PAM: variants seen among roughly 807,000 people sequenced by gnomAD.
PAM encodes peptidyl-glycine alpha-amidating monooxygenase.
A neutral mutation model predicts 122.1 loss-of-function variants in PAM; 72 were observed. That is an observed-to-expected ratio of 0.59 (90% CI 0.49 to 0.72). The LOEUF is 0.72. Ranked by LOEUF, PAM falls within the 30% of genes least tolerant of loss-of-function variation. The pLI, the probability that PAM is intolerant of heterozygous loss-of-function variation, is 0.00. For missense variants in PAM, 1,106 were observed against 1,183.7 expected, an observed-to-expected ratio of 0.93 and a Z score of 0.96; for synonymous variants, 389 against 404.4, an observed-to-expected ratio of 0.96 and a Z score of 0.46.
intron 14 of PAM, among the ~76,000 whole-genome samples, chr5:102,962,044 GTT>G (rs1762658985): frequency 6.6e-6 from 1 of 151,882 alleles, no homozygotes; most frequent in Non-Finnish European, 1.5e-5. Context: ...ACATGTAGAA[GTT>G]TCCTGTTTCT....
At chr5:102,765,351 G>T (rs1041082829) in intron 1 of PAM, among the ~76,000 whole-genome samples, 1 of 152,140 alleles carries the variant, frequency 6.6e-6, no homozygotes, top group Non-Finnish European at 1.5e-5. Context: ...GTGTAGTTGT[G>T]AAGAAAAAGT....
chr5:102,847,249 G>T (rs188335298), intron 1 of PAM, among the ~76,000 whole-genome samples: 2 of 152,088 alleles, frequency 1.3e-5, no homozygotes, highest in East Asian at 1.9e-4. Context: ...GACCAGCCTG[G>T]CCAACATGGT....
Position 102,960,252 on chromosome 5 carries a change from A to G in PAM, c.1090+193A>G, listed in dbSNP as rs143149493. On this transcript the variant is annotated intron_variant, in intron 13 of 25. Coordinates refer to ENST00000438793, the MANE Select transcript of PAM (RefSeq NM_001177306.2). ...CTCCCTGACATGTACCCATCAGAACAGTTAAAGAGGAAAATCTCAGCCAGG... is the reference window on the plus strand; with the variant it reads ...CTCCCTGACATGTACCCATCAGAACGGTTAAAGAGGAAAATCTCAGCCAGG... Among the ~76,000 whole-genome samples the G allele has an allele frequency of 2.0e-4, 31 of 152,080 alleles. No individual in the cohort carries two copies. The East Asian group carries it at 6.0e-3, about 29-fold the overall frequency.
intron 21 of PAM, among the ~76,000 whole-genome samples, chr5:103,014,644 A>AT (rs112852867): frequency 0.017 from 2,587 of 152,274 alleles, 66 homozygotes; most frequent in African/African-American, 0.06. Flanking sequence ...CTGTTTGTGC[A>AT]TACCCACTCC....
intron 1 of PAM, among the ~76,000 whole-genome samples, chr5:102,847,028 G>T (rs1309638560): frequency 6.6e-6 from 1 of 152,184 alleles, no homozygotes; most frequent in Non-Finnish European, 1.5e-5. Context: ...TCAAGGCTGG[G>T]AGAGTGTGGT....
At chr5:102,974,510 A>C (rs1157242328) in intron 15 of PAM, 74 bp downstream of exon 15, 1 of 939,944 alleles carries the variant, frequency 1.1e-6, no homozygotes, top group Non-Finnish European at 1.6e-6. Context: ...TGAAGGGAAT[A>C]AGAATTAATG....
At chr5:102,973,418 C>T (rs1047640726) in intron 14 of PAM, among the ~76,000 whole-genome samples, 2 of 152,120 alleles carry the variant, frequency 1.3e-5, no homozygotes, top group Non-Finnish European at 2.9e-5. Context: ...TACAGGAAGG[C>T]ATAGAATGCA....
intron 1 of PAM, among the ~76,000 whole-genome samples, chr5:102,779,880 C>CCT (rs1758154727): frequency 1.4e-5 from 1 of 69,312 alleles, no homozygotes; most frequent in Non-Finnish European, 2.6e-5. Flanking sequence ...AATAAACTCC[C>CCT]ATATACATAT....
intron 1 of PAM, among the ~76,000 whole-genome samples, chr5:102,853,046 A>G (rs545222981): frequency 1.3e-5 from 2 of 152,334 alleles, no homozygotes; most frequent in African/African-American, 4.8e-5. Flanking sequence ...CACTTTTGGA[A>G]TATAAATGTA....
chr5:102,901,491 G>A, intron 4 of PAM, 78 bp downstream of exon 4: 1 of 815,438 alleles, frequency 1.2e-6, no homozygotes, highest in South Asian at 1.4e-5. Flanking sequence ...TTCTCTTTGA[G>A]GGTTATGAGC....
intron 18 of PAM, among the ~76,000 whole-genome samples, chr5:103,006,154 C>T (rs1430419354): frequency 2.6e-5 from 4 of 152,080 alleles, no homozygotes; most frequent in Admixed American, 2.6e-4. Context: ...CCAGGCTGGT[C>T]TTGAATTCCT....
chr5:102,770,706 A>G lies in PAM; in HGVS notation c.-374+15358A>G, dbSNP rs139835335. Among the ~76,000 whole-genome samples the G allele has an allele frequency of 3.0e-3, 461 of 152,228 alleles. 1 individual carries two copies. The highest frequency in any genetic ancestry group is 4.7e-3 in the Non-Finnish European group (317 of 67,976). ...TGTTAAATCTTCTGTGCATCCCTGG[A>G]ATAAATCCCACTTGGTCATGATGAA... On this transcript the variant is annotated intron_variant, in intron 1 of 25. Transcript: ENST00000438793.
At chr5:102,837,856 T>G (rs2150528065) in intron 1 of PAM, 1 of 152,294 alleles carries the variant, frequency 6.6e-6, no homozygotes, top group African/African-American at 2.4e-5. Flanking sequence ...TCACCTTAAA[T>G]TATAACATAA....
chr5:102,885,463 C>G (rs917848708), intron 3 of PAM, among the ~76,000 whole-genome samples: 5 of 151,936 alleles, frequency 3.3e-5, no homozygotes, highest in African/African-American at 1.2e-4. Flanking sequence ...ATCTATTTGA[C>G]TCAGACTATG....
intron 1 of PAM, among the ~76,000 whole-genome samples, chr5:102,829,733 C>A (rs1774878697): frequency 6.6e-6 from 1 of 152,026 alleles, no homozygotes; most frequent in Non-Finnish European, 1.5e-5. Context: ...TCTGAAAATG[C>A]CTTTTATCTA....
intron 1 of PAM, among the ~76,000 whole-genome samples, chr5:102,821,251 C>A (rs1359307508): frequency 6.6e-6 from 1 of 152,058 alleles, no homozygotes; most frequent in African/African-American, 2.4e-5. Context: ...TCCTGAGGAG[C>A]TTACATGCTC....
chr5:103,007,038 G>C (rs114859298), intron 19 of PAM, 27 bp downstream of exon 19: 1 of 1,503,766 alleles, frequency 6.6e-7, no homozygotes, highest in African/African-American at 1.4e-5. Context: ...TTAATCTCCA[G>C]TTGTAATTCT....
intron 1 of PAM, among the ~76,000 whole-genome samples, chr5:102,821,904 A>G (rs932395082): frequency 3.9e-5 from 6 of 152,222 alleles, no homozygotes; most frequent in African/African-American, 1.4e-4. Flanking sequence ...CACAAAAACA[A>G]TATCAAACTT....
chr5:102,951,197 T>C (rs1758770103), intron 12 of PAM, among the ~76,000 whole-genome samples: 1 of 152,102 alleles, frequency 6.6e-6, no homozygotes, highest in Admixed American at 6.6e-5. Context: ...TGATTCCTAT[T>C]AAATACTCAG....
Sources: gnomAD v4.1 joint callset for allele counts (sites outside exome capture counted in the v4.1 genomes callset) on GRCh38, gnomAD v4.1.1 for gene constraint, MANE v1.5 for transcripts, NCBI Gene and HGNC (gene_info 2026-07-23, HGNC 2026-07-21) for gene names.